HHAT: variants seen among roughly 807,000 people sequenced by gnomAD.
The protein encoded by HHAT is hedgehog acyltransferase.
Under a neutral mutation model 70.8 loss-of-function variants are expected in HHAT, and 47 were observed. That is an observed-to-expected ratio of 0.66 (90% CI 0.53 to 0.85). HHAT has a LOEUF of 0.85. Among genes scored for constraint, HHAT ranks in the 40% least tolerant of loss-of-function variants. The probability of loss-of-function intolerance (pLI) is 0.00; values close to 1 mark genes in which losing one functional copy is unlikely to be tolerated. For missense variants in HHAT, 609 were observed against 604.8 expected (o/e 1.01, Z -0.07); for synonymous variants, 228 against 247.6 (o/e 0.92, Z 0.74).
chr1:210,620,892 A>G (rs1668683059), intron 10 of HHAT, among the ~76,000 whole-genome samples: 1 of 107,420 alleles, frequency 9.3e-6, no homozygotes, highest in African/African-American at 2.7e-5. Context: ...TATGATTTTG[A>G]CTTTTTTTTT....
At chr1:210,653,130 T>TATACATACATACATAC (rs113600697) in intron 11 of HHAT, among the ~76,000 whole-genome samples, 3 of 151,052 alleles carry the variant, frequency 2.0e-5, no homozygotes, top group Admixed American at 6.6e-5. Flanking sequence ...AAAACAGCTT[T>TATACATACATACATAC]ATACATACAT....
At chr1:210,456,960 C>G (rs1198789439) in intron 7 of HHAT, among the ~76,000 whole-genome samples, 1 of 152,192 alleles carries the variant, frequency 6.6e-6, no homozygotes, top group African/African-American at 2.4e-5. Context: ...TTCCTCAGTT[C>G]TGCCCATGAC....
At chr1:210,583,008 A>G (rs1031444902) in intron 9 of HHAT, among the ~76,000 whole-genome samples, 2 of 152,218 alleles carry the variant, frequency 1.3e-5, no homozygotes, top group African/African-American at 4.8e-5. Context: ...AACGAGAAAT[A>G]TATCAGTGAA....
intron 10 of HHAT, among the ~76,000 whole-genome samples, chr1:210,601,254 T>C (rs1458180122): frequency 1.3e-5 from 2 of 152,214 alleles, no homozygotes; most frequent in African/African-American, 4.8e-5. Flanking sequence ...ATCCAAACTA[T>C]GGTTATTTGA....
Position 210,518,112 on chromosome 1 carries a change from TCTAA to T in HHAT, c.1043+4928_1043+4931del, listed in dbSNP as rs200554545. On this transcript the variant is annotated intron_variant, in intron 9 of 11. Coordinates refer to ENST00000261458, the MANE Select transcript of HHAT (RefSeq NM_018194.6). ...GGTGAGAACATCCAAAAGCCTCTCT[TCTAA>T]CTATTTGGTAATATACAATACCTTA... Among the ~76,000 whole-genome samples, 1,034 of 152,282 alleles carry T rather than the reference TCTAA, an allele frequency of 6.8e-3. 12 individuals carry two copies. The highest frequency in any genetic ancestry group is 0.024 in the African/African-American group (994 of 41,554).
chr1:210,330,022 C>T (rs1339328026), intron 1 of HHAT, among the ~76,000 whole-genome samples: 12 of 152,204 alleles, frequency 7.9e-5, no homozygotes. Context: ...GCTGGGATTA[C>T]AGGCGTGAGC....
chr1:210,431,192 T>G (rs1306905548), intron 7 of HHAT, among the ~76,000 whole-genome samples: 1 of 151,870 alleles, frequency 6.6e-6, no homozygotes, highest in East Asian at 1.9e-4. Flanking sequence ...AATTTCTGGC[T>G]TGGGGTTTTG....
intron 10 of HHAT, among the ~76,000 whole-genome samples, chr1:210,603,764 TA>T (rs1342450762): frequency 2.0e-5 from 3 of 152,240 alleles, no homozygotes; most frequent in African/African-American, 7.2e-5. Context: ...AAAATTCTTC[TA>T]AAGTATCTCA....
intron 3 of HHAT, among the ~76,000 whole-genome samples, chr1:210,364,281 C>T (rs3765877): frequency 0.11 from 17,380 of 152,146 alleles, 1,298 homozygotes; most frequent in East Asian, 0.27. Flanking sequence ...AGTATTGTGC[C>T]CACTTCAGAG....
rs1203865319 is a variant in HHAT, at chr1:210,513,151, A to T, written c.1008-2A>T. 1 of 1,528,086 alleles carries T rather than the reference A, an allele frequency of 6.5e-7. No individual in the cohort carries two copies. 94.7% of individuals were successfully genotyped at this position (1,528,086 alleles called of 1,614,324 possible). A position where few individuals can be genotyped will look rare whatever the true frequency, so the allele number is the denominator to read the frequency against. On this transcript the variant is annotated splice_acceptor_variant, in intron 8 of 11. Coordinates refer to ENST00000261458, the MANE Select transcript of HHAT (RefSeq NM_018194.6). LOFTEE classifies it high-confidence loss of function. ...ATGCTTGTCTATGTCTCTTTTGAAC[A>T]GGTATTTTGATGTTGGACTGCATAA...
rs201375073 is a variant in HHAT at position 210,549,109 on chromosome 1, C to T, written c.1043+35921C>T. Among the ~76,000 whole-genome samples, 492 of 138,778 alleles carry T rather than the reference C, an allele frequency of 3.5e-3. 15 individuals carry two copies. Among genetic ancestry groups the T allele is most frequent in the Non-Finnish European group, 5.5e-3 (359 of 65,772 alleles). 91.0% of individuals were successfully genotyped at this position (138,778 alleles called of 152,430 possible). ...ATCTCTCTGTGCCTCAGTTTGCTCA[C>T]CTGTAAAATTGGGATAATAACGGCA... On this transcript the variant is annotated intron_variant, in intron 9 of 11. Transcript: ENST00000261458.
chr1:210,631,872 T>C (rs924243336), intron 11 of HHAT, among the ~76,000 whole-genome samples: 1 of 152,240 alleles, frequency 6.6e-6, no homozygotes, highest in Non-Finnish European at 1.5e-5. Flanking sequence ...TCAGTTAATA[T>C]TCAACAAATG....
chr1:210,631,001 T>C, intron 11 of HHAT: 1 of 450,212 alleles, frequency 2.2e-6, no homozygotes, highest in South Asian at 1.6e-5. Flanking sequence ...TTACAGGAGG[T>C]TTATTTTTAT....
chr1:210,432,725 T>G (rs1339611537), intron 7 of HHAT, among the ~76,000 whole-genome samples: 1 of 151,850 alleles, frequency 6.6e-6, no homozygotes, highest in Non-Finnish European at 1.5e-5. Flanking sequence ...TCTCCGTCTC[T>G]CCAGGCTGCC....
intron 9 of HHAT, among the ~76,000 whole-genome samples, chr1:210,519,737 A>G (rs961181729): frequency 6.6e-6 from 1 of 151,430 alleles, no homozygotes; most frequent in African/African-American, 2.4e-5. Context: ...TGTGTTGTCC[A>G]GGCTGCTTTT....
chr1:210,652,453 G>C (rs192641077), intron 11 of HHAT, among the ~76,000 whole-genome samples: 4 of 152,126 alleles, frequency 2.6e-5, no homozygotes, highest in African/African-American at 9.7e-5. Context: ...GGCAGAACCC[G>C]GGGCCCACTG....
intron 8 of HHAT, among the ~76,000 whole-genome samples, chr1:210,509,337 A>T (rs375837346): frequency 6.6e-6 from 1 of 152,294 alleles, no homozygotes; most frequent in East Asian, 1.9e-4. Flanking sequence ...ATTTTGGAGC[A>T]TTTCAGATTT....
intron 6 of HHAT, among the ~76,000 whole-genome samples, chr1:210,417,688 A>T (rs1395269868): frequency 1.3e-5 from 2 of 152,196 alleles, no homozygotes; most frequent in Non-Finnish European, 2.9e-5. Flanking sequence ...CTCTCAGCCC[A>T]TCTTTTTCTC....
At chr1:210,433,038 A>T (rs1416709237) in intron 7 of HHAT, among the ~76,000 whole-genome samples, 2 of 151,720 alleles carry the variant, frequency 1.3e-5, no homozygotes, top group African/African-American at 2.4e-5. Flanking sequence ...TAAGTGTGAG[A>T]CAGCAGCACA....
Sources: allele counts gnomAD v4.1 joint callset (sites outside exome capture counted in the v4.1 genomes callset), GRCh38; gene constraint gnomAD v4.1.1; transcripts MANE v1.5; gene names NCBI Gene and HGNC (gene_info 2026-07-23, HGNC 2026-07-21).